TGM3: variants seen among roughly 807,000 people sequenced by gnomAD.
The protein encoded by TGM3 is protein-glutamine gamma-glutamyltransferase E.
TGM3 carries 52 observed loss-of-function variants against 73.8 expected under a neutral mutation model. The observed-to-expected ratio is 0.70, with a 90% CI of 0.56 to 0.89. TGM3 has a LOEUF of 0.89. Among genes scored for constraint, TGM3 ranks in the 40% least tolerant of loss-of-function variants. The probability of loss-of-function intolerance (pLI) is 0.00; values close to 1 mark genes in which losing one functional copy is unlikely to be tolerated. For synonymous variants in TGM3, 372 were observed against 354.9 expected (o/e 1.05, Z -0.54); for missense variants, 928 against 909.9 (o/e 1.02, Z -0.26).
At chr20:2,309,923 G>A in intron 2 of TGM3, 93 bp downstream of exon 2, 1 of 1,532,636 alleles carries the variant, frequency 6.5e-7, no homozygotes, top group South Asian at 1.2e-5. Flanking sequence ...TGGGGCCACT[G>A]GCATTGGGTT....
chr20:2,316,770 C>A (rs947666753), intron 5 of TGM3, among the ~76,000 whole-genome samples: 1 of 152,136 alleles, frequency 6.6e-6, no homozygotes, highest in Non-Finnish European at 1.5e-5. Context: ...TGCCACAGCA[C>A]AAGCTGTGCT....
intron 11 of TGM3, among the ~76,000 whole-genome samples, chr20:2,337,644 C>A (rs534444070): frequency 6.7e-6 from 1 of 150,266 alleles, no homozygotes; most frequent in Non-Finnish European, 1.5e-5. Context: ...TGCTTGAACC[C>A]GAGAGGCAGC....
At chr20:2,314,727 A>G (rs2084224624) in intron 5 of TGM3, among the ~76,000 whole-genome samples, 1 of 152,184 alleles carries the variant, frequency 6.6e-6, no homozygotes, top group Admixed American at 6.5e-5. Context: ...TCTCCAAAAA[A>G]AAAGGCGAAA....
chr20:2,319,356 G>C (rs891070940), intron 7 of TGM3, among the ~76,000 whole-genome samples: 8 of 152,196 alleles, frequency 5.3e-5, no homozygotes, highest in African/African-American at 1.9e-4. Context: ...GCTGTTAGGA[G>C]GCACGGGGTG....
rs371412856 is a variant in TGM3 at position 2,332,121 on chromosome 20, G to A, written c.1453G>A (p.Gly485Arg). 29 of 1,614,070 alleles carry A rather than the reference G, an allele frequency of 1.8e-5. No individual in the cohort carries two copies. The highest frequency in any genetic ancestry group is 8.0e-5 in the African/African-American group (6 of 74,926). ...ETEEQEPSIIGKLKVAGMLAV... is the reference protein window; with the variant it reads ...ETEEQEPSIIRKLKVAGMLAV... ...AGAGGAACAGGAGCCCAGCATCATC[G>A]GGAAGCTGAAGGTCGCTGGCATGCT... The change falls in exon 10 of 13, where the codon GGG (glycine) becomes AGG (arginine). Residue 485 changes from glycine to arginine, a missense_variant. Transcript: ENST00000381458. The surrounding 1 kb of genome is among the most constrained non-coding windows in gnomAD (Gnocchi z 4.4).
rs1219146703 is a variant in TGM3 at position 2,334,618 on chromosome 20, A to G, written c.1643-498A>G. 1.3e-5 allele frequency among the ~76,000 whole-genome samples: 2 copies of G among 152,122 alleles called. No individual in the cohort carries two copies. The highest frequency in any genetic ancestry group is 2.9e-5 in the Non-Finnish European group (2 of 68,014). ...ATGATTGCTACTGTTGTTGGCAATCAGGTGGCATTTGTATTCTTCCACTGC... is the reference window on the plus strand; with the variant it reads ...ATGATTGCTACTGTTGTTGGCAATCGGGTGGCATTTGTATTCTTCCACTGC... On this transcript the variant is annotated intron_variant, in intron 10 of 12. Coordinates refer to ENST00000381458, the MANE Select transcript of TGM3 (RefSeq NM_003245.4). This position sits in a 1 kb window ranked among gnomAD's most constrained non-coding sequence, Gnocchi z 4.0.
chr20:2,335,014 C>T (rs1334242253), intron 10 of TGM3, 102 bp from the exon 11 acceptor site: 10 of 1,447,308 alleles, frequency 6.9e-6, no homozygotes, highest in South Asian at 3.8e-5. Context: ...GCTGCAGATC[C>T]TCCCACCAGC....
At position 2,334,016 on chromosome 20, in the gene TGM3, A is replaced by C. The variant is rs1214301988; in HGVS notation, c.1643-1100A>C. Among the ~76,000 whole-genome samples the C allele has an allele frequency of 6.6e-6, 1 of 152,230 alleles. No individual in the cohort carries two copies. The highest frequency in any genetic ancestry group is 1.5e-5 in the Non-Finnish European group (1 of 68,046). On this transcript the variant is annotated intron_variant, in intron 10 of 12. Transcript: ENST00000381458. This position sits in a 1 kb window ranked among gnomAD's most constrained non-coding sequence, Gnocchi z 4.0. ...AGTCTTACCTACAAGAGTATGTAATACTGTGGGTGCTGGGGCATCCCCAGG... is the reference window on the plus strand; with the variant it reads ...AGTCTTACCTACAAGAGTATGTAATCCTGTGGGTGCTGGGGCATCCCCAGG...
rs1271523642 is a variant in TGM3, at chr20:2,340,027, AG to A, written c.1934+45del. 1.3e-4 allele frequency: 18 copies of A among 133,700 alleles called. No individual in the cohort carries two copies. In the Middle Eastern group the frequency reaches 4.1e-3, roughly 30 times the overall value. The allele number at this position is 133,700 out of a possible 1,614,324, so 8.3% of individuals were successfully genotyped here. On this transcript the variant is annotated intron_variant, in intron 12 of 12. Coordinates refer to ENST00000381458, the MANE Select transcript of TGM3 (RefSeq NM_003245.4). ...TAAGTGGCCGGTGCAGGAGGGCGGG[AG>A]GGGGCGGGGGGGCCCTCCAGATCCC...
rs142429871 is a variant in TGM3, at chr20:2,328,270, C to T, written c.1238C>T (p.Ser413Phe). ...DNTTGKQWKN[S>F]VNSHTIGRYI... is the part of the protein sequence containing the mutation. ...ACCACTGGCAAACAGTGGAAGAATTCCGTGAACAGTCACACCATTGGCAGG... is the reference window on the plus strand; with the variant it reads ...ACCACTGGCAAACAGTGGAAGAATTTCGTGAACAGTCACACCATTGGCAGG... The change falls in exon 9 of 13, where the codon TCC becomes TTC. Residue 413 changes from serine to phenylalanine, a missense_variant. Physicochemically the swap from Ser to Phe is radical, Grantham distance 155. Transcript: ENST00000381458. The surrounding 1 kb of genome is among the most constrained non-coding windows in gnomAD (Gnocchi z 5.2). 1.5e-5 allele frequency: 24 copies of T among 1,614,060 alleles called. 1 individual carries two copies. The South Asian group carries it at 2.6e-4, about 18-fold the overall frequency.
At chr20:2,309,034 TG>T (rs2084189329) in intron 1 of TGM3, among the ~76,000 whole-genome samples, 1 of 152,104 alleles carries the variant, frequency 6.6e-6, no homozygotes, top group African/African-American at 2.4e-5. Context: ...TGAACCACCA[TG>T]ACCAGCTAAT....
At chr20:2,298,699 G>T (rs912541084) in intron 1 of TGM3, among the ~76,000 whole-genome samples, 5 of 152,170 alleles carry the variant, frequency 3.3e-5, no homozygotes, top group African/African-American at 1.2e-4. Flanking sequence ...CCATGGAAGC[G>T]GTCAGGAATT....
In TGM3 at chr20:2,332,019, C is replaced by G. The variant is rs779702016; in HGVS notation, c.1351C>G (p.Gln451Glu). Residue 451 changes from glutamine (Q) to glutamate (E), a missense_variant, in exon 10 of 13, where the codon CAA (glutamine) becomes GAA (glutamate). Coordinates refer to ENST00000381458, the MANE Select transcript of TGM3 (RefSeq NM_003245.4). This position sits in a 1 kb window ranked among gnomAD's most constrained non-coding sequence, Gnocchi z 4.4. ...KYPEGSDQER[Q>E]VFQKALGKLK... The stretch of plus-strand genomic sequence containing the variant: ...CCACACAGGCTCTGACCAGGAAAGA[C>G]AAGTGTTCCAAAAGGCTTTGGGGAA... 2 of 1,608,428 alleles carry G rather than the reference C, an allele frequency of 1.2e-6. No individual in the cohort carries two copies. The highest frequency in any genetic ancestry group is 1.7e-6 in the Non-Finnish European group (2 of 1,176,906).
intron 1 of TGM3, among the ~76,000 whole-genome samples, chr20:2,305,312 G>A (rs1302585472): frequency 6.6e-6 from 1 of 152,192 alleles, no homozygotes; most frequent in East Asian, 1.9e-4. Flanking sequence ...GGAGCTGCCA[G>A]TACCAGTCAT....
intron 5 of TGM3, among the ~76,000 whole-genome samples, chr20:2,313,797 G>A (rs1282220235): frequency 2.0e-5 from 3 of 152,196 alleles, no homozygotes; most frequent in Non-Finnish European, 4.4e-5. Flanking sequence ...GGGAGATGGA[G>A]GTGGGAAGAT....
intron 5 of TGM3, among the ~76,000 whole-genome samples, chr20:2,315,410 C>T (rs747088420): frequency 4.6e-5 from 7 of 152,214 alleles, no homozygotes; most frequent in Non-Finnish European, 1.0e-4. Flanking sequence ...CGCAACCTTC[C>T]ATCTCTAAGG....
In TGM3 at chr20:2,317,342, AC is replaced by A; in HGVS notation, c.848-7del. 4 of 1,614,166 alleles carry A rather than the reference AC, an allele frequency of 2.5e-6. No homozygotes were observed. The highest frequency in any genetic ancestry group is 3.4e-6 in the Non-Finnish European group (4 of 1,180,020). On this transcript the variant is annotated splice_region_variant and splice_polypyrimidine_tract_variant and intron_variant, in intron 6 of 12. Coordinates refer to ENST00000381458, the MANE Select transcript of TGM3 (RefSeq NM_003245.4). ...CACCTGAGTCCTCACGCCCACCCTG[AC>A]TTGCAGCGCTGCGGTCTTTGGGGAT...
intron 5 of TGM3, among the ~76,000 whole-genome samples, 175 bp from the exon 6 acceptor site, chr20:2,316,893 A>G (rs1050550761): frequency 6.6e-6 from 1 of 152,150 alleles, no homozygotes; most frequent in Non-Finnish European, 1.5e-5. Context: ...CATACCCCTA[A>G]GGGTTAAGTG....
rs1392700254 is a variant in TGM3, at chr20:2,332,035, C to T, written c.1367C>T (p.Ala456Val). The T allele has an allele frequency of 6.2e-7, 1 of 1,612,828 alleles. No homozygotes were observed. Among genetic ancestry groups the T allele is most frequent in the Admixed American group, 1.7e-5 (1 of 59,914 alleles). ...SDQERQVFQK[A>V]LGKLKPNTPF... ...CAGGAAAGACAAGTGTTCCAAAAGG[C>T]TTTGGGGAAACTTAAACCCAACACG... The change falls in exon 10 of 13, where the codon GCT (alanine) becomes GTT (valine). Residue 456 changes from alanine to valine, a missense_variant. Coordinates refer to ENST00000381458, the MANE Select transcript of TGM3 (RefSeq NM_003245.4). This position sits in a 1 kb window ranked among gnomAD's most constrained non-coding sequence, Gnocchi z 4.4.
Sources: gnomAD v4.1 joint callset for allele counts (sites outside exome capture counted in the v4.1 genomes callset) on GRCh38, gnomAD v4.1.1 for gene constraint, Gnocchi (gnomAD v3.1) non-coding constraint, MANE v1.5 for transcripts, NCBI Gene and HGNC (gene_info 2026-07-23, HGNC 2026-07-21) for gene names.